The following SCRN1 variants were observed in gnomAD, a reference collection of about 807,000 sequenced individuals.
SCRN1 encodes secernin-1.
A neutral mutation model predicts 43.3 loss-of-function variants in SCRN1; 19 were observed. That is an observed-to-expected ratio of 0.44 (90% CI 0.31 to 0.64). The LOEUF is 0.64. Among genes scored for constraint, SCRN1 ranks in the 30% least tolerant of loss-of-function variants. The pLI, the probability that SCRN1 is intolerant of heterozygous loss-of-function variation, is 0.09. For synonymous variants in SCRN1, 183 were observed against 188.9 expected (o/e 0.97, Z 0.26); for missense variants, 447 against 524.1 (o/e 0.85, Z 1.44).
At chr7:29,952,486 T>C (rs1290535057) in intron 3 of SCRN1, among the ~76,000 whole-genome samples, 1 of 152,090 alleles carries the variant, frequency 6.6e-6, no homozygotes, top group Non-Finnish European at 1.5e-5. Flanking sequence ...GGTCAGAAGT[T>C]CGAGACCAGC....
chr7:29,928,334 G>A (rs1182493877), intron 6 of SCRN1, among the ~76,000 whole-genome samples: 1 of 152,106 alleles, frequency 6.6e-6, no homozygotes, highest in Non-Finnish European at 1.5e-5. Context: ...CCAGTCTGAA[G>A]AGCACTACTA....
chr7:29,943,606 G>C (rs1188705718), intron 4 of SCRN1, among the ~76,000 whole-genome samples: 1 of 152,154 alleles, frequency 6.6e-6, no homozygotes, highest in Non-Finnish European at 1.5e-5. Context: ...AGGGTTGGGG[G>C]TGACAAGGAG....
intron 1 of SCRN1, among the ~76,000 whole-genome samples, chr7:29,977,371 T>C (rs1428343378): frequency 2.0e-5 from 3 of 152,222 alleles, no homozygotes; most frequent in Non-Finnish European, 4.4e-5. Context: ...TTTTAAATGA[T>C]TGCCATTCCT....
At chr7:29,968,557 T>A (rs1190326916) in intron 2 of SCRN1, among the ~76,000 whole-genome samples, 1 of 152,190 alleles carries the variant, frequency 6.6e-6, no homozygotes, top group African/African-American at 2.4e-5. Flanking sequence ...AATGGAAGGA[T>A]AAACCAAGAT....
chr7:29,982,578 A>C lies in SCRN1; in HGVS notation c.-2+7064T>G, dbSNP rs566390894. On this transcript the variant is annotated intron_variant, in intron 1 of 7. Transcript: ENST00000242059. Reference sequence around the variant, plus strand: ...TACACTTGTGGTCCCAGCTACTCAGAAGGCTGAGGTGAGAGGACTGCTTGA... The same window carrying C: ...TACACTTGTGGTCCCAGCTACTCAGCAGGCTGAGGTGAGAGGACTGCTTGA... 2.6e-5 allele frequency among the ~76,000 whole-genome samples: 4 copies of C among 151,508 alleles called. No individual in the cohort carries two copies. In the East Asian group the frequency reaches 5.9e-4, roughly 22 times the overall value.
At chr7:29,990,254 A>AC, upstream of SCRN1, 1 of 1,551,624 alleles carries the variant, frequency 6.4e-7, no homozygotes, top group Non-Finnish European at 8.7e-7. Flanking sequence ...GGTAAGCCAG[A>AC]CCCTGTCCCA....
Position 29,955,331 on chromosome 7 carries a change from T to C in SCRN1, c.189A>G (p.Pro63=), listed in dbSNP as rs1788098682. Residue 63 remains proline (P), a synonymous_variant, in exon 3 of 8, where the codon CCA becomes CCG. Transcript: ENST00000242059. The part of the protein sequence containing the change: ...ECTYISIDQV[P]RTYAIMISRP... ...TGCTTATCATTATGGCATAGGTCCT[T>C]GGAACTTGGTCGATTGAAATGTAAG... 1 of 1,613,652 alleles carries C rather than the reference T, an allele frequency of 6.2e-7. No homozygotes were observed. The highest frequency in any genetic ancestry group is 1.3e-5 in the African/African-American group (1 of 74,908).
chr7:29,983,126 C>G (rs904903100), intron 1 of SCRN1, among the ~76,000 whole-genome samples: 1 of 151,906 alleles, frequency 6.6e-6, no homozygotes, highest in African/African-American at 2.4e-5. Flanking sequence ...CATGAGCCAT[C>G]ACACCTGGCC....
At chr7:29,934,917 C>T (rs1218834623) in intron 6 of SCRN1, among the ~76,000 whole-genome samples, 1 of 152,184 alleles carries the variant, frequency 6.6e-6, no homozygotes, top group African/African-American at 2.4e-5. Flanking sequence ...GGCTCTAGCC[C>T]GTGGTCATGT....
At position 29,972,303 on chromosome 7, in the gene SCRN1, T is replaced by C. The variant is rs141150156; in HGVS notation, c.-1-3235A>G. Among the ~76,000 whole-genome samples, 380 of 152,322 alleles carry C rather than the reference T, an allele frequency of 2.5e-3. 1 individual carries two copies. The highest frequency in any genetic ancestry group is 8.8e-3 in the African/African-American group (364 of 41,576). ...CCTCTCTCCCCATCACTGGGCCATTTCAAAAGAGCTAGTGTCTTGCCTAGG... is the reference window on the plus strand; with the variant it reads ...CCTCTCTCCCCATCACTGGGCCATTCCAAAAGAGCTAGTGTCTTGCCTAGG... On this transcript the variant is annotated intron_variant, in intron 1 of 7. Transcript: ENST00000242059.
At chr7:29,963,927 ATAG>A (rs1037542632) in intron 2 of SCRN1, among the ~76,000 whole-genome samples, 2 of 152,364 alleles carry the variant, frequency 1.3e-5, no homozygotes, top group African/African-American at 2.4e-5. Flanking sequence ...ATCATGTTTA[ATAG>A]TAGTATACAT....
chr7:29,948,699 C>T (rs1171369303), intron 3 of SCRN1, among the ~76,000 whole-genome samples: 1 of 152,152 alleles, frequency 6.6e-6, no homozygotes, highest in Non-Finnish European at 1.5e-5. Flanking sequence ...AGTAGTTATG[C>T]AAAGGGAAGA....
upstream of SCRN1, chr7:29,990,106 C>A: frequency 6.5e-7 from 1 of 1,549,008 alleles, no homozygotes; most frequent in Non-Finnish European, 8.7e-7. Context: ...TTTGGCGCCT[C>A]TTCCCGACGT....
At chr7:29,977,559 C>T (rs1788870747) in intron 1 of SCRN1, among the ~76,000 whole-genome samples, 1 of 152,218 alleles carries the variant, frequency 6.6e-6, no homozygotes, top group Admixed American at 6.5e-5. Context: ...ACTCATCAAG[C>T]TCTGCCCAAA....
intron 3 of SCRN1, 108 bp from the exon 4 acceptor site, chr7:29,944,287 G>T: frequency 5.7e-6 from 5 of 878,260 alleles, no homozygotes; most frequent in Non-Finnish European, 9.2e-6. Context: ...GCCAACATGT[G>T]TAAACATGTT....
At chr7:29,956,991 C>T (rs1306248842) in intron 2 of SCRN1, among the ~76,000 whole-genome samples, 2 of 152,198 alleles carry the variant, frequency 1.3e-5, no homozygotes, top group Non-Finnish European at 2.9e-5. Context: ...CAACACTTTC[C>T]AAAACCCCTG....
At position 29,955,259 on chromosome 7, in the gene SCRN1, T is replaced by G. The variant is rs1323740683; in HGVS notation, c.261A>C (p.Gly87=). The change falls in exon 3 of 8, where the codon GGA becomes GGC. Residue 87 remains glycine (G), a synonymous_variant. Coordinates refer to ENST00000242059, the MANE Select transcript of SCRN1 (RefSeq NM_014766.5). ...TGATGGCTTCATTGGCTATGCACAC[T>G]CCATGTTCATTGGCTCCCATTTCTG... ...WGAEMGANEH[G]VCIANEAINT... 6.2e-7 allele frequency: 1 copy of G among 1,614,032 alleles called. No homozygotes were observed. Among genetic ancestry groups the G allele is most frequent in the Middle Eastern group, 1.6e-4 (1 of 6,084 alleles).
intron 1 of SCRN1, chr7:29,969,797 T>TTC (rs771371784): frequency 6.6e-6 from 3 of 456,096 alleles, no homozygotes; most frequent in Non-Finnish European, 1.3e-5. Flanking sequence ...TCCAGCTGGG[T>TTC]TCTCACCTTA....
At chr7:29,980,253 T>G (rs1186468082) in intron 1 of SCRN1, among the ~76,000 whole-genome samples, 1 of 152,314 alleles carries the variant, frequency 6.6e-6, no homozygotes, top group East Asian at 1.9e-4. Context: ...AAGGATGTGT[T>G]TGAAATAGGC....
Sources: allele counts gnomAD v4.1 joint callset (sites outside exome capture counted in the v4.1 genomes callset), GRCh38; gene constraint gnomAD v4.1.1; transcripts MANE v1.5; gene names NCBI Gene and HGNC (gene_info 2026-07-23, HGNC 2026-07-21).